The following SYNPO2 variants were observed in gnomAD, a reference collection of about 807,000 sequenced individuals.
The protein encoded by SYNPO2 is synaptopodin 2.
SYNPO2 carries 56 observed loss-of-function variants against 85.0 expected under a neutral mutation model. The ratio of observed to expected loss-of-function variants is 0.66; its 90% CI spans 0.53 to 0.82. The LOEUF is 0.82. SYNPO2 is among the 40% of genes least tolerant of loss of function. SYNPO2 has a pLI of 0.00. For synonymous variants in SYNPO2, 602 were observed against 591.1 expected (o/e 1.02, Z -0.27); for missense variants, 1,575 against 1,534.2 (o/e 1.03, Z -0.44).
At chr4:118,923,231 A>G (rs982019927) in intron 1 of SYNPO2, among the ~76,000 whole-genome samples, 1 of 152,144 alleles carries the variant, frequency 6.6e-6, no homozygotes, top group African/African-American at 2.4e-5. Context: ...GAACAAGATC[A>G]TGACCTTTTC....
Position 118,983,182 on chromosome 4 carries a change from T to G in SYNPO2, c.106-40248T>G, listed in dbSNP as rs1157189275. On this transcript the variant is annotated intron_variant, in intron 1 of 4. Transcript: ENST00000307142. ...TCTTCCCTTCATTGTTAACTTTGCC[T>G]TTATTCATCCCTTTCAGTCTTTTCC... Among the ~76,000 whole-genome samples the G allele has an allele frequency of 2.6e-5, 4 of 152,162 alleles. No individual in the cohort carries two copies. The East Asian group carries it at 7.7e-4, about 29-fold the overall frequency.
chr4:119,046,735 G>A (rs966465457), intron 4 of SYNPO2, among the ~76,000 whole-genome samples: 1 of 152,216 alleles, frequency 6.6e-6, no homozygotes, highest in African/African-American at 2.4e-5. Flanking sequence ...ATAAGACTGG[G>A]AGAAGTTGAA....
chr4:118,972,790 C>A (rs932811519), intron 1 of SYNPO2, among the ~76,000 whole-genome samples: 8 of 152,230 alleles, frequency 5.3e-5, no homozygotes, highest in Non-Finnish European at 1.0e-4. Flanking sequence ...CTACAAAAAT[C>A]TCCTCAAAGT....
Position 118,973,506 on chromosome 4 carries a change from G to A in SYNPO2, c.106-49924G>A, listed in dbSNP as rs144467746. Among the ~76,000 whole-genome samples, 381 of 151,962 alleles carry A rather than the reference G, an allele frequency of 2.5e-3. 2 individuals are homozygous for A. The highest frequency in any genetic ancestry group is 8.8e-3 in the African/African-American group (363 of 41,434). On this transcript the variant is annotated intron_variant, in intron 1 of 4. Coordinates refer to ENST00000307142, the MANE Select transcript of SYNPO2 (RefSeq NM_133477.3). Reference sequence around the variant, plus strand: ...ATGAATTAATCCCTGTGCATGTCAGGTTTGGCTAACCACCATAAAAATTTC... The same window carrying A: ...ATGAATTAATCCCTGTGCATGTCAGATTTGGCTAACCACCATAAAAATTTC...
At chr4:119,020,701 T>G (rs777207709) in intron 1 of SYNPO2, among the ~76,000 whole-genome samples, 2 of 152,172 alleles carry the variant, frequency 1.3e-5, no homozygotes, top group Non-Finnish European at 2.9e-5. Flanking sequence ...AATGAATGAT[T>G]TTATGCCTCA....
At chr4:118,935,538 A>G (rs982792619) in intron 1 of SYNPO2, among the ~76,000 whole-genome samples, 1 of 152,268 alleles carries the variant, frequency 6.6e-6, no homozygotes, top group Non-Finnish European at 1.5e-5. Flanking sequence ...GTCATAGAAG[A>G]TTATAATACC....
chr4:118,869,525 T>C (rs1221394281), intron 1 of SYNPO2, among the ~76,000 whole-genome samples: 2 of 152,228 alleles, frequency 1.3e-5, no homozygotes, highest in South Asian at 4.1e-4. Flanking sequence ...TTTCATTTCA[T>C]GCATATTCAC....
chr4:118,907,497 T>C (rs1732977075), intron 1 of SYNPO2, among the ~76,000 whole-genome samples: 2 of 152,220 alleles, frequency 1.3e-5, no homozygotes, highest in Admixed American at 6.5e-5. Context: ...TTTGACATTG[T>C]TCATCTATTC....
intron 1 of SYNPO2, among the ~76,000 whole-genome samples, chr4:118,909,696 G>A (rs1189692708): frequency 6.6e-6 from 1 of 152,186 alleles, no homozygotes; most frequent in Non-Finnish European, 1.5e-5. Flanking sequence ...TCCTGTGCAT[G>A]GAGGAGCAGA....
chr4:118,953,208 T>G (rs959486504), intron 1 of SYNPO2, among the ~76,000 whole-genome samples: 1 of 152,216 alleles, frequency 6.6e-6, no homozygotes, highest in Non-Finnish European at 1.5e-5. Flanking sequence ...GGTTGATTTA[T>G]CCAAACGATG....
chr4:118,980,094 C>G (rs1168766394), intron 1 of SYNPO2, among the ~76,000 whole-genome samples: 3 of 151,726 alleles, frequency 2.0e-5, no homozygotes, highest in Non-Finnish European at 4.4e-5. Context: ...AAAGGGAAAG[C>G]TTCCTGAATG....
At chr4:118,879,500 T>G (rs922473317) in intron 1 of SYNPO2, among the ~76,000 whole-genome samples, 5 of 152,172 alleles carry the variant, frequency 3.3e-5, no homozygotes, top group Non-Finnish European at 5.9e-5. Flanking sequence ...GATCTTTCTC[T>G]ATGTGAGGAC....
chr4:118,900,333 G>A (rs1455933945), intron 1 of SYNPO2, among the ~76,000 whole-genome samples: 3 of 152,022 alleles, frequency 2.0e-5, no homozygotes, highest in Non-Finnish European at 2.9e-5. Flanking sequence ...CACAGAAAAC[G>A]TCAACAAATT....
At chr4:118,978,517 T>C (rs1735877211) in intron 1 of SYNPO2, among the ~76,000 whole-genome samples, 1 of 152,190 alleles carries the variant, frequency 6.6e-6, no homozygotes, top group Non-Finnish European at 1.5e-5. Flanking sequence ...TCGTCACCAG[T>C]TGGCTTATGA....
chr4:118,949,727 C>T (rs62327801), intron 1 of SYNPO2, among the ~76,000 whole-genome samples: 14,984 of 151,758 alleles, frequency 0.099, 839 homozygotes, highest in East Asian at 0.16. Flanking sequence ...CCAGCCTGGG[C>T]GACAGAGCAA....
At chr4:118,855,130 A>T (rs1293056918) in intron 1 of SYNPO2, among the ~76,000 whole-genome samples, 1 of 152,108 alleles carries the variant, frequency 6.6e-6, no homozygotes, top group African/African-American at 2.4e-5. Context: ...AAAGCAAAAA[A>T]AAAAAAAGAT....
rs1334899201 is a variant in SYNPO2, at chr4:118,920,501, A to G, written c.105+31360A>G. On this transcript the variant is annotated intron_variant, in intron 1 of 4. Transcript: ENST00000307142. ...AAATACAAGAACACTTGGCACCCAC[A>G]GTAGGCACAGCACCAGATACTTGTT... Among the ~76,000 whole-genome samples, 23 of 152,256 alleles carry G rather than the reference A, an allele frequency of 1.5e-4. No individual in the cohort carries two copies. The South Asian group carries it at 4.8e-3, about 32-fold the overall frequency.
At chr4:118,891,007 C>G (rs1732360074) in intron 1 of SYNPO2, among the ~76,000 whole-genome samples, 1 of 151,960 alleles carries the variant, frequency 6.6e-6, no homozygotes. Context: ...CTGCATGTGA[C>G]GATTTCAATG....
intron 1 of SYNPO2, among the ~76,000 whole-genome samples, chr4:118,957,067 A>T (rs995917717): frequency 5.9e-5 from 9 of 151,912 alleles, no homozygotes; most frequent in Non-Finnish European, 1.3e-4. Flanking sequence ...AAAAATAAAA[A>T]AAATAAAAAA....
Sources: allele counts gnomAD v4.1 joint callset (sites outside exome capture counted in the v4.1 genomes callset), GRCh38; gene constraint gnomAD v4.1.1; transcripts MANE v1.5; gene names NCBI Gene and HGNC (gene_info 2026-07-23, HGNC 2026-07-21).